MAN1C1: variants seen among roughly 807,000 people sequenced by gnomAD.
MAN1C1 encodes the protein mannosyl-oligosaccharide 1,2-alpha-mannosidase IC.
A neutral mutation model predicts 71.5 loss-of-function variants in MAN1C1; 49 were observed. That is an observed-to-expected ratio of 0.69 (90% CI 0.54 to 0.87). The LOEUF is 0.87. Ranked by LOEUF, MAN1C1 falls within the 40% of genes least tolerant of loss-of-function variation. The probability of loss-of-function intolerance (pLI) is 0.00; values close to 1 mark genes in which losing one functional copy is unlikely to be tolerated. For synonymous variants in MAN1C1, 352 were observed against 343.7 expected, an observed-to-expected ratio of 1.02 and a Z score of -0.27; for missense variants, 743 against 835.0, an observed-to-expected ratio of 0.89 and a Z score of 1.36.
At chr1:25,679,735 A>G (rs1378419490) in intron 1 of MAN1C1, among the ~76,000 whole-genome samples, 1 of 151,838 alleles carries the variant, frequency 6.6e-6, no homozygotes, top group Non-Finnish European at 1.5e-5. Context: ...TGCACACTGT[A>G]TGTATAATAT....
rs1403578527 is a variant in MAN1C1 at position 25,769,722 on chromosome 1, C to T, written c.1142-1935C>T. ...CGCCGTGTAGTTACTGGGCACAGAG[C>T]GGGAGTCGCATGCAATCCCTCCCCA... On this transcript the variant is annotated intron_variant, in intron 7 of 11. Transcript: ENST00000374332. This position sits in a 1 kb window ranked among gnomAD's most constrained non-coding sequence, Gnocchi z 4.8. Among the ~76,000 whole-genome samples the T allele has an allele frequency of 2.6e-5, 4 of 152,028 alleles. No individual in the cohort carries two copies. Among genetic ancestry groups the T allele is most frequent in the African/African-American group, 4.8e-5 (2 of 41,390 alleles).
In MAN1C1 at chr1:25,653,674, C is replaced by A. The variant is rs569994425; in HGVS notation, c.541-32766C>A. On this transcript the variant is annotated intron_variant, in intron 1 of 11. Transcript: ENST00000374332. ...AAGAGCTGCTTTCCCCAGAACGAGGCTGCTGTGGTTTGGCCTTGGCTCCCC... is the reference window on the plus strand; with the variant it reads ...AAGAGCTGCTTTCCCCAGAACGAGGATGCTGTGGTTTGGCCTTGGCTCCCC... 3.3e-5 allele frequency among the ~76,000 whole-genome samples: 5 copies of A among 152,314 alleles called. No homozygotes were observed. The South Asian group carries it at 1.0e-3, about 32-fold the overall frequency.
chr1:25,729,823 T>A (rs1048789412), intron 2 of MAN1C1, among the ~76,000 whole-genome samples: 3 of 152,086 alleles, frequency 2.0e-5, no homozygotes, highest in African/African-American at 7.2e-5. Flanking sequence ...CATCCCATTT[T>A]CTAGATGAGG....
chr1:25,654,786 A>G (rs2045740337), intron 1 of MAN1C1, among the ~76,000 whole-genome samples: 1 of 151,980 alleles, frequency 6.6e-6, no homozygotes, highest in Non-Finnish European at 1.5e-5. Context: ...AGCTGGGACT[A>G]CAGGCACACA....
At position 25,740,460 on chromosome 1, in the gene MAN1C1, G is replaced by A. The variant is rs533417533; in HGVS notation, c.638-6208G>A. ...TTGTTGTTGTCGTTGTTGTTGTGAC[G>A]GAGTCTCGCTCTGTCACCCAGGTTG... On this transcript the variant is annotated intron_variant, in intron 2 of 11. Transcript: ENST00000374332. Among the ~76,000 whole-genome samples the A allele has an allele frequency of 3.9e-5, 6 of 152,082 alleles. No homozygotes were observed. In the East Asian group the frequency reaches 9.7e-4, roughly 25 times the overall value.
At chr1:25,713,239 G>A (rs1234388949) in intron 2 of MAN1C1, among the ~76,000 whole-genome samples, 2 of 151,902 alleles carry the variant, frequency 1.3e-5, no homozygotes, top group Non-Finnish European at 2.9e-5. Context: ...TCATAATGAG[G>A]TGGGGGTGGG....
At chr1:25,728,817 A>G (rs2046869297) in intron 2 of MAN1C1, among the ~76,000 whole-genome samples, 1 of 152,122 alleles carries the variant, frequency 6.6e-6, no homozygotes, top group Admixed American at 6.5e-5. Context: ...TGTCTAAGGA[A>G]GGGGAACTGG....
At chr1:25,756,383 A>G (rs1572198236) in intron 5 of MAN1C1, among the ~76,000 whole-genome samples, 1 of 152,202 alleles carries the variant, frequency 6.6e-6, no homozygotes, top group African/African-American at 2.4e-5. Context: ...CTTGTCTGCC[A>G]GGGCATCTCC....
chr1:25,652,033 G>T (rs1302936369), intron 1 of MAN1C1, among the ~76,000 whole-genome samples: 1 of 152,220 alleles, frequency 6.6e-6, no homozygotes, highest in Non-Finnish European at 1.5e-5. Context: ...CTGCTGCCCA[G>T]CAATGGCCAC....
Position 25,775,609 on chromosome 1 carries a change from G to A in MAN1C1, c.1258-2496G>A, listed in dbSNP as rs1237904805. 6.6e-6 allele frequency among the ~76,000 whole-genome samples: 1 copy of A among 152,184 alleles called. No individual in the cohort carries two copies. The highest frequency in any genetic ancestry group is 1.5e-5 in the Non-Finnish European group (1 of 68,028). ...CAAGTAGGAATGGCACCATGTAGAA[G>A]GGTGACAGGGGCCCATAGGTAATGG... On this transcript the variant is annotated intron_variant, in intron 8 of 11. Coordinates refer to ENST00000374332, the MANE Select transcript of MAN1C1 (RefSeq NM_020379.4). This position sits in a 1 kb window ranked among gnomAD's most constrained non-coding sequence, Gnocchi z 5.1.
At position 25,711,348 on chromosome 1, in the gene MAN1C1, C is replaced by T. The variant is rs947626469; in HGVS notation, c.637+24812C>T. ...CAGGGCTACAGGGAGAAGTAGGACA[C>T]CAGGAACATTTTTGCCTTCTATCAC... On this transcript the variant is annotated intron_variant, in intron 2 of 11. Transcript: ENST00000374332. The surrounding 1 kb of genome is among the most constrained non-coding windows in gnomAD (Gnocchi z 4.3). Among the ~76,000 whole-genome samples the T allele has an allele frequency of 6.6e-6, 1 of 152,152 alleles. No homozygotes were observed. The highest frequency in any genetic ancestry group is 1.5e-5 in the Non-Finnish European group (1 of 68,024).
At chr1:25,699,788 C>T (rs74785636) in intron 2 of MAN1C1, among the ~76,000 whole-genome samples, 2 of 152,146 alleles carry the variant, frequency 1.3e-5, no homozygotes, top group Admixed American at 6.5e-5. Context: ...TCATGGGTCA[C>T]AGTGGCCCCA....
In MAN1C1 at chr1:25,735,432, A is replaced by G. The variant is rs918259058; in HGVS notation, c.638-11236A>G. Among the ~76,000 whole-genome samples the G allele has an allele frequency of 6.6e-6, 1 of 152,200 alleles. No individual in the cohort carries two copies. Among genetic ancestry groups the G allele is most frequent in the South Asian group, 2.1e-4 (1 of 4,828 alleles). On this transcript the variant is annotated intron_variant, in intron 2 of 11. Coordinates refer to ENST00000374332, the MANE Select transcript of MAN1C1 (RefSeq NM_020379.4). The surrounding 1 kb of genome is among the most constrained non-coding windows in gnomAD (Gnocchi z 4.6). Reference sequence around the variant, plus strand: ...AGACTGTGTCTCAAAATGTGTATGTATGTATGTGTATGTATATATATATGT... The same window carrying G: ...AGACTGTGTCTCAAAATGTGTATGTGTGTATGTGTATGTATATATATATGT...
At chr1:25,704,156 G>T (rs910236290) in intron 2 of MAN1C1, among the ~76,000 whole-genome samples, 3 of 152,164 alleles carry the variant, frequency 2.0e-5, no homozygotes, top group African/African-American at 4.8e-5. Flanking sequence ...AATCTCTCCC[G>T]AGGCTGAGAA....
intron 2 of MAN1C1, among the ~76,000 whole-genome samples, chr1:25,723,972 A>G (rs146592625): frequency 3.0e-4 from 46 of 151,894 alleles, no homozygotes; most frequent in African/African-American, 1.1e-3. Context: ...TAGGTAACTC[A>G]GGAGTCTTCA....
intron 2 of MAN1C1, among the ~76,000 whole-genome samples, chr1:25,700,043 T>C (rs2046418635): frequency 6.6e-6 from 1 of 152,254 alleles, no homozygotes; most frequent in Non-Finnish European, 1.5e-5. Context: ...AAGTATGTTG[T>C]CAGCACAATT....
At chr1:25,704,612 A>G (rs2046493520) in intron 2 of MAN1C1, among the ~76,000 whole-genome samples, 1 of 152,182 alleles carries the variant, frequency 6.6e-6, no homozygotes, top group Admixed American at 6.5e-5. Flanking sequence ...TGTCAACTTT[A>G]ACACAGCTGA....
chr1:25,635,918 G>A (rs1348718937), intron 1 of MAN1C1, among the ~76,000 whole-genome samples: 2 of 152,172 alleles, frequency 1.3e-5, no homozygotes, highest in African/African-American at 4.8e-5. Context: ...AGTGTCAGCT[G>A]GCTGAGAAAT....
intron 7 of MAN1C1, among the ~76,000 whole-genome samples, chr1:25,767,591 T>C (rs1299316362): frequency 2.8e-4 from 21 of 75,468 alleles, no homozygotes; most frequent in South Asian, 4.6e-4. Context: ...CAGACCCACA[T>C]ACCACACTAC....
Sources: gnomAD v4.1 joint callset for allele counts (sites outside exome capture counted in the v4.1 genomes callset) on GRCh38, gnomAD v4.1.1 for gene constraint, Gnocchi (gnomAD v3.1) non-coding constraint, MANE v1.5 for transcripts, NCBI Gene and HGNC (gene_info 2026-07-23, HGNC 2026-07-21) for gene names.